COL22A1: variants seen among roughly 807,000 people sequenced by gnomAD.
COL22A1 encodes collagen alpha-1(XXII) chain.
COL22A1 carries 221 observed loss-of-function variants against 248.9 expected under a neutral mutation model. The observed-to-expected ratio is 0.89, with a 90% CI of 0.80 to 0.99. The LOEUF (loss-of-function observed/expected upper bound fraction) is 0.99, where lower values mean the gene tolerates loss of function less well. Among genes scored for constraint, COL22A1 ranks in the 50% least tolerant of loss-of-function variants. The probability of loss-of-function intolerance (pLI) is 0.00; values close to 1 mark genes in which losing one functional copy is unlikely to be tolerated. For synonymous variants in COL22A1, 891 were observed against 793.4 expected (o/e 1.12, Z -2.07); for missense variants, 2,240 against 2,179.0 (o/e 1.03, Z -0.56).
chr8:138,899,462 G>A (rs1010901111), intron 1 of COL22A1, among the ~76,000 whole-genome samples: 2 of 152,156 alleles, frequency 1.3e-5, no homozygotes, highest in African/African-American at 2.4e-5. Context: ...ATAGATTCTC[G>A]TGTTATTATG....
In COL22A1 at chr8:138,878,434, C is replaced by G. The variant is rs552028727; in HGVS notation, c.92-118G>C. On this transcript the variant is annotated intron_variant, in intron 2 of 64. Coordinates refer to ENST00000303045, the MANE Select transcript of COL22A1 (RefSeq NM_152888.3). The stretch of plus-strand genomic sequence containing the variant: ...GCTCAAATACCTACCTGCCCTGTCT[C>G]TCATGACCCAAGGGCCCTGGGCTGC... 4 of 886,910 alleles carry G rather than the reference C, an allele frequency of 4.5e-6. 1 individual carries two copies. In the Admixed American group the frequency reaches 1.0e-4, roughly 23 times the overall value. The allele number at this position is 886,910 out of a possible 1,614,324, so 54.9% of individuals were successfully genotyped here. A position where few individuals can be genotyped will look rare whatever the true frequency, so the allele number is the denominator to read the frequency against.
intron 30 of COL22A1, among the ~76,000 whole-genome samples, chr8:138,710,543 T>C (rs1243644870): frequency 2.6e-5 from 4 of 152,036 alleles, no homozygotes; most frequent in African/African-American, 9.7e-5. Flanking sequence ...CTGGTTTAAG[T>C]AGTTTCCATG....
At chr8:138,636,632 CT>C in intron 48 of COL22A1, 109 bp downstream of exon 48, 1 of 810,428 alleles carries the variant, frequency 1.2e-6, no homozygotes, top group South Asian at 1.6e-5. Context: ...TTAAAAAATC[CT>C]GCTACAGGCA....
rs553312069 is a variant in COL22A1, at chr8:138,768,648, G to A, written c.1804-6182C>T. Among the ~76,000 whole-genome samples the A allele has an allele frequency of 9.6e-4, 146 of 152,270 alleles. 1 individual carries two copies. Among genetic ancestry groups the A allele is most frequent in the Non-Finnish European group, 1.6e-3 (106 of 68,012 alleles). On this transcript the variant is annotated intron_variant, in intron 16 of 64. Coordinates refer to ENST00000303045, the MANE Select transcript of COL22A1 (RefSeq NM_152888.3). ...CAGATCACCACCCACAGTAAAGAAC[G>A]CCATTATGGCCAGGTATGGTGGCTC...
intron 2 of COL22A1, among the ~76,000 whole-genome samples, chr8:138,878,933 G>A (rs1823962539): frequency 6.6e-6 from 1 of 152,222 alleles, no homozygotes; most frequent in Non-Finnish European, 1.5e-5. Context: ...GCGTGAACCC[G>A]GGAGGCGGAG....
intron 3 of COL22A1, among the ~76,000 whole-genome samples, chr8:138,855,808 G>A (rs977181083): frequency 6.6e-6 from 1 of 152,192 alleles, no homozygotes; most frequent in African/African-American, 2.4e-5. Context: ...AGGCAGAGCT[G>A]CTTCAGCAAC....
chr8:138,668,349 C>T (rs1260430604), intron 41 of COL22A1, among the ~76,000 whole-genome samples: 1 of 151,958 alleles, frequency 6.6e-6, no homozygotes, highest in Admixed American at 6.6e-5. Context: ...TACTATTCTA[C>T]CTACTTTTAG....
intron 1 of COL22A1, among the ~76,000 whole-genome samples, chr8:138,886,400 G>T (rs1442828494): frequency 6.6e-6 from 1 of 152,090 alleles, no homozygotes; most frequent in African/African-American, 2.4e-5. Context: ...TATTTGAGGG[G>T]AAGGAAGAGA....
intron 37 of COL22A1, among the ~76,000 whole-genome samples, chr8:138,685,558 T>C (rs1406133781): frequency 6.6e-6 from 1 of 152,184 alleles, no homozygotes; most frequent in Non-Finnish European, 1.5e-5. Context: ...TGATTAAAGT[T>C]AGGATGAGGT....
intron 4 of COL22A1, among the ~76,000 whole-genome samples, chr8:138,833,757 T>C (rs1158287798): frequency 6.6e-6 from 1 of 152,188 alleles, no homozygotes; most frequent in Non-Finnish European, 1.5e-5. Context: ...ATACGCATTG[T>C]CAATGTAAAG....
chr8:138,788,627 G>GT (rs1463155047), intron 12 of COL22A1, among the ~76,000 whole-genome samples: 1 of 152,166 alleles, frequency 6.6e-6, no homozygotes. Context: ...GGTTTTAGGA[G>GT]TTACAGAAGT....
intron 20 of COL22A1, 95 bp downstream of exon 20, chr8:138,755,387 G>A: frequency 7.3e-7 from 1 of 1,375,332 alleles, no homozygotes; most frequent in African/African-American, 1.4e-5. Flanking sequence ...AGTCTGAAAG[G>A]CTCCATCTGA....
At chr8:138,777,451 T>G (rs1814575136) in intron 15 of COL22A1, among the ~76,000 whole-genome samples, 1 of 152,170 alleles carries the variant, frequency 6.6e-6, no homozygotes, top group Admixed American at 6.5e-5. Context: ...TTACACTGCT[T>G]CTTTCATTTA....
At chr8:138,690,226 G>A (rs1475633643) in intron 36 of COL22A1, among the ~76,000 whole-genome samples, 1 of 152,234 alleles carries the variant, frequency 6.6e-6, no homozygotes, top group African/African-American at 2.4e-5. Context: ...CCCTTGACTA[G>A]ATGTCATGGA....
chr8:138,650,295 C>G (rs1195640567), intron 45 of COL22A1, among the ~76,000 whole-genome samples: 1 of 152,184 alleles, frequency 6.6e-6, no homozygotes, highest in African/African-American at 2.4e-5. Flanking sequence ...GACTTTGTTT[C>G]TGTGATACAA....
chr8:138,714,096 A>T (rs1220824051), intron 30 of COL22A1, among the ~76,000 whole-genome samples: 2 of 152,162 alleles, frequency 1.3e-5, no homozygotes, highest in African/African-American at 2.4e-5. Flanking sequence ...TAAAAAGTGC[A>T]TTCTTCCTCC....
chr8:138,727,412 T>C (rs1830397911), intron 23 of COL22A1, among the ~76,000 whole-genome samples: 2 of 152,184 alleles, frequency 1.3e-5, no homozygotes, highest in South Asian at 2.1e-4. Flanking sequence ...CAGGCCCTTC[T>C]TGTTCCCCCT....
At chr8:138,897,174 T>G (rs1373082365) in intron 1 of COL22A1, among the ~76,000 whole-genome samples, 2 of 152,114 alleles carry the variant, frequency 1.3e-5, no homozygotes, top group East Asian at 3.9e-4. Flanking sequence ...AGAGAAGATA[T>G]GAATCCAGGC....
intron 1 of COL22A1, among the ~76,000 whole-genome samples, chr8:138,891,515 A>G (rs1464825738): frequency 6.6e-6 from 1 of 152,234 alleles, no homozygotes; most frequent in Non-Finnish European, 1.5e-5. Context: ...TAGCCACTTT[A>G]AGGGCTTTAT....
Sources: gnomAD v4.1 joint callset for allele counts (sites outside exome capture counted in the v4.1 genomes callset) on GRCh38, gnomAD v4.1.1 for gene constraint, MANE v1.5 for transcripts, NCBI Gene and HGNC (gene_info 2026-07-23, HGNC 2026-07-21) for gene names.